Variants in HLCS observed in about 807,000 individuals in gnomAD.
The protein encoded by HLCS is holocarboxylase synthetase, also known as biotin--protein ligase.
A neutral mutation model predicts 75.0 loss-of-function variants in HLCS; 53 were observed. The ratio of observed to expected loss-of-function variants is 0.71; its 90% CI spans 0.57 to 0.89. The LOEUF is 0.89. HLCS is among the 40% of genes least tolerant of loss of function. HLCS has a pLI of 0.00. For synonymous variants in HLCS, 431 were observed against 428.6 expected (o/e 1.01, Z -0.07); for missense variants, 966 against 1,074.0 (o/e 0.90, Z 1.41).
At chr21:36,860,010 G>C (rs776465260) in intron 6 of HLCS, among the ~76,000 whole-genome samples, 2 of 152,224 alleles carry the variant, frequency 1.3e-5, no homozygotes, top group Non-Finnish European at 2.9e-5. Context: ...TATTCATGCA[G>C]AGTCCACTCT....
intron 6 of HLCS, among the ~76,000 whole-genome samples, chr21:36,822,995 C>T (rs954892427): frequency 2.4e-4 from 37 of 152,198 alleles, no homozygotes; most frequent in Non-Finnish European, 1.6e-4. Flanking sequence ...CATAACCACT[C>T]GGGTTTTCTT....
intron 10 of HLCS, among the ~76,000 whole-genome samples, chr21:36,754,960 T>C (rs543294414): frequency 1.3e-4 from 20 of 152,352 alleles, no homozygotes; most frequent in African/African-American, 4.6e-4. Context: ...GAATTTTAAA[T>C]CTAAAGAAAA....
intron 3 of HLCS, among the ~76,000 whole-genome samples, chr21:36,937,878 C>A (rs1317565809): frequency 2.0e-5 from 3 of 152,198 alleles, no homozygotes; most frequent in African/African-American, 7.2e-5. Context: ...AGGACTGGAA[C>A]ATAAGTTGAC....
intron 6 of HLCS, among the ~76,000 whole-genome samples, chr21:36,848,475 G>C (rs1179489907): frequency 6.6e-6 from 1 of 151,762 alleles, no homozygotes; most frequent in African/African-American, 2.4e-5. Context: ...TACCATGTTG[G>C]CCAGGCTGAT....
intron 6 of HLCS, among the ~76,000 whole-genome samples, chr21:36,873,718 G>T (rs1478134936): frequency 6.6e-6 from 1 of 152,108 alleles, no homozygotes; most frequent in Non-Finnish European, 1.5e-5. Flanking sequence ...TTAGGTTCAG[G>T]CCTCCTGGGC....
chr21:36,769,341 A>T (rs2090150494), intron 6 of HLCS, among the ~76,000 whole-genome samples: 2 of 152,242 alleles, frequency 1.3e-5, no homozygotes, highest in Non-Finnish European at 2.9e-5. Flanking sequence ...CTCTGGGGCC[A>T]AACCGCATGG....
Position 36,896,970 on chromosome 21 carries a change from T to G in HLCS, c.1782A>C (p.Ser594=), listed in dbSNP as rs1481304665. Residue 594 remains serine, a synonymous_variant, in exon 6 of 11, where the codon TCA becomes TCC. Coordinates refer to ENST00000674895, the MANE Select transcript of HLCS (RefSeq NM_001352514.2). ...IPVVTNMEAF[S]SEHFNLEIYR... ...AGATCTCTAAGTTGAAATGTTCTGA[T>G]GAGAAGGCCTCCATGTTGGTCACCA... The G allele has an allele frequency of 6.2e-7, 1 of 1,614,080 alleles. No homozygotes were observed. The highest frequency in any genetic ancestry group is 8.5e-7 in the Non-Finnish European group (1 of 1,180,038).
intron 6 of HLCS, among the ~76,000 whole-genome samples, chr21:36,883,018 A>G (rs1466386117): frequency 6.6e-6 from 1 of 152,222 alleles, no homozygotes; most frequent in Non-Finnish European, 1.5e-5. Context: ...GAGCCAAACA[A>G]AAAATGAAAA....
intron 6 of HLCS, among the ~76,000 whole-genome samples, chr21:36,868,652 T>C (rs1269397513): frequency 6.6e-6 from 1 of 150,854 alleles, no homozygotes; most frequent in Admixed American, 6.6e-5. Flanking sequence ...AAAATAAAAA[T>C]AGTCATAAAA....
At chr21:36,829,839 C>T (rs774866814) in intron 6 of HLCS, among the ~76,000 whole-genome samples, 5 of 152,190 alleles carry the variant, frequency 3.3e-5, no homozygotes, top group Non-Finnish European at 7.3e-5. Context: ...GGGGCAGGCA[C>T]GCAGCTACAC....
chr21:36,843,637 C>T (rs531377017), intron 6 of HLCS, among the ~76,000 whole-genome samples: 28 of 152,122 alleles, frequency 1.8e-4, no homozygotes, highest in Middle Eastern at 3.4e-3. Context: ...TACTAGTGTG[C>T]GCAAAGTTAT....
chr21:36,769,730 A>C (rs1291418748), intron 6 of HLCS, among the ~76,000 whole-genome samples: 1 of 152,202 alleles, frequency 6.6e-6, no homozygotes, highest in African/African-American at 2.4e-5. Flanking sequence ...CCTCCTGACC[A>C]CTTTGGTTAC....
Position 36,838,629 on chromosome 21 carries a change from G to A in HLCS, c.1892+58231C>T, listed in dbSNP as rs138856636. Among the ~76,000 whole-genome samples the A allele has an allele frequency of 8.4e-4, 128 of 151,920 alleles. 2 individuals carry two copies. In the East Asian group the frequency reaches 0.019, roughly 23 times the overall value. On this transcript the variant is annotated intron_variant, in intron 6 of 10. Coordinates refer to ENST00000674895, the MANE Select transcript of HLCS (RefSeq NM_001352514.2). ...TGAGGCAGGAGAATGACGTGAACCC[G>A]GGAGGCAGAGCTTGCAGTGAGCCAA... is the stretch of plus-strand genomic sequence containing the variant.
chr21:36,756,395 G>T (rs1339721349), intron 10 of HLCS, 147 bp downstream of exon 10: 1 of 639,030 alleles, frequency 1.6e-6, no homozygotes, highest in Non-Finnish European at 2.6e-6. Context: ...AGCTTGCAGT[G>T]AGCCAAGATC....
intron 6 of HLCS, among the ~76,000 whole-genome samples, chr21:36,823,456 T>C (rs142204501): frequency 1.3e-5 from 2 of 152,350 alleles, no homozygotes; most frequent in African/African-American, 4.8e-5. Context: ...GATCATTCCT[T>C]GCAAACTAGA....
intron 2 of HLCS, among the ~76,000 whole-genome samples, chr21:36,960,027 T>C (rs1414967943): frequency 3.9e-5 from 6 of 151,956 alleles, no homozygotes; most frequent in Admixed American, 2.0e-4. Flanking sequence ...AGCGTCTCCA[T>C]GCTTCCAGGT....
intron 6 of HLCS, among the ~76,000 whole-genome samples, chr21:36,874,668 T>C (rs1256919359): frequency 6.6e-6 from 1 of 152,236 alleles, no homozygotes; most frequent in Non-Finnish European, 1.5e-5. Context: ...TGGTGGCCCA[T>C]CTGGAGCAGC....
chr21:36,903,112 T>C (rs1306093303), intron 5 of HLCS, among the ~76,000 whole-genome samples: 1 of 152,086 alleles, frequency 6.6e-6, no homozygotes, highest in Non-Finnish European at 1.5e-5. Context: ...CCAGAAAAGT[T>C]GTTGGAAGAG....
chr21:36,915,292 T>C (rs2065885949), intron 5 of HLCS, among the ~76,000 whole-genome samples: 1 of 152,254 alleles, frequency 6.6e-6, no homozygotes, highest in Non-Finnish European at 1.5e-5. Flanking sequence ...CAAGATTCAA[T>C]GTTTAGCCTC....
Sources: allele counts gnomAD v4.1 joint callset (sites outside exome capture counted in the v4.1 genomes callset), GRCh38; gene constraint gnomAD v4.1.1; transcripts MANE v1.5; gene names NCBI Gene and HGNC (gene_info 2026-07-23, HGNC 2026-07-21).